Variants in EPS15L1 observed in about 807,000 individuals in gnomAD.
EPS15L1 encodes epidermal growth factor receptor substrate 15-like 1.
A neutral mutation model predicts 117.1 loss-of-function variants in EPS15L1; 43 were observed. That is an observed-to-expected ratio of 0.37 (90% CI 0.29 to 0.47). The LOEUF is 0.47. Ranked by LOEUF, EPS15L1 falls within the 20% of genes least tolerant of loss-of-function variation. EPS15L1 has a pLI of 0.99. For synonymous variants in EPS15L1, 459 were observed against 470.5 expected, an observed-to-expected ratio of 0.98 and a Z score of 0.32; for missense variants, 981 against 1,164.0, an observed-to-expected ratio of 0.84 and a Z score of 2.29.
At chr19:16,462,781 G>T (rs1226135472) in intron 1 of EPS15L1, among the ~76,000 whole-genome samples, 1 of 152,172 alleles carries the variant, frequency 6.6e-6, no homozygotes, top group Non-Finnish European at 1.5e-5. Context: ...CAAAGGGTGG[G>T]GGCAGGACAC....
At chr19:16,361,202 T>C (rs1056672207) in intron 23 of EPS15L1, among the ~76,000 whole-genome samples, 3 of 152,102 alleles carry the variant, frequency 2.0e-5, no homozygotes, top group Non-Finnish European at 4.4e-5. Context: ...TCAGAGTGGC[T>C]GTTCTAGACT....
intron 1 of EPS15L1, among the ~76,000 whole-genome samples, chr19:16,451,954 T>G (rs2093148114): frequency 6.7e-6 from 1 of 149,954 alleles, no homozygotes; most frequent in Admixed American, 6.6e-5. Context: ...CTGGCCAACA[T>G]GGTGAAACCC....
intron 22 of EPS15L1, among the ~76,000 whole-genome samples, chr19:16,363,188 C>T (rs537319186): frequency 3.2e-4 from 48 of 152,308 alleles, no homozygotes; most frequent in African/African-American, 1.1e-3. Context: ...ATCTGCCCAA[C>T]GGAGTCCCTG....
In EPS15L1 at chr19:16,418,641, C is replaced by A. The variant is rs181455784; in HGVS notation, c.951-537G>T. Among the ~76,000 whole-genome samples the A allele has an allele frequency of 2.6e-5, 4 of 152,286 alleles. No homozygotes were observed. The East Asian group carries it at 7.7e-4, about 29-fold the overall frequency. ...CTTGTTATGAACGGAACGTTTATGTCCCCCCAGATTCCTATGTCCAAATCC... is the reference window on the plus strand; with the variant it reads ...CTTGTTATGAACGGAACGTTTATGTACCCCCAGATTCCTATGTCCAAATCC... On this transcript the variant is annotated intron_variant, in intron 10 of 23. Coordinates refer to ENST00000455140, the MANE Select transcript of EPS15L1 (RefSeq NM_001258374.3).
At chr19:16,384,955 G>A (rs1185845946) in intron 21 of EPS15L1, among the ~76,000 whole-genome samples, 174 bp downstream of exon 21, 3 of 152,312 alleles carry the variant, frequency 2.0e-5, no homozygotes, top group Admixed American at 6.5e-5. Flanking sequence ...CTCACCCCAC[G>A]GGACTGCAGT....
chr19:16,463,082 A>G (rs1039428113), intron 1 of EPS15L1, among the ~76,000 whole-genome samples: 2 of 152,178 alleles, frequency 1.3e-5, no homozygotes, highest in Non-Finnish European at 2.9e-5. Context: ...GACAGCACAC[A>G]GTAGCTCAGC....
At chr19:16,428,784 G>T (rs771771403) in intron 7 of EPS15L1, 23 bp from the exon 8 acceptor site, 13 of 1,593,666 alleles carry the variant, frequency 8.2e-6, no homozygotes, top group Non-Finnish European at 4.3e-6. Flanking sequence ...GACCAGCATG[G>T]GTAACTGTGG....
At chr19:16,447,405 C>T (rs2093094581) in intron 1 of EPS15L1, among the ~76,000 whole-genome samples, 2 of 152,116 alleles carry the variant, frequency 1.3e-5, no homozygotes, top group African/African-American at 2.4e-5. Context: ...AAGAGAGAGG[C>T]AATTCAGAAA....
In EPS15L1 at chr19:16,369,695, G is replaced by GTGTGTT. The variant is rs548085101; in HGVS notation, c.2380+7426_2380+7427insAACACA. ...AAAAAAAGTGTGTGTGTGTGTGTGT[G>GTGTGTT]TGTGTGTGTGTGTAGGGTGGGGTAT... On this transcript the variant is annotated intron_variant, in intron 22 of 23. Coordinates refer to ENST00000455140, the MANE Select transcript of EPS15L1 (RefSeq NM_001258374.3). 3.8e-3 allele frequency among the ~76,000 whole-genome samples: 581 copies of GTGTGTT among 152,020 alleles called. 3 individuals are homozygous for GTGTGTT. Among genetic ancestry groups the GTGTGTT allele is most frequent in the African/African-American group, 0.014 (562 of 41,436 alleles).
At position 16,440,759 on chromosome 19, in the gene EPS15L1, A is replaced by G. The variant is rs765115151; in HGVS notation, c.213+103T>C. The G allele has an allele frequency of 1.2e-5, 12 of 1,006,094 alleles. No homozygotes were observed. The African/African-American group carries it at 1.8e-4, about 15-fold the overall frequency. 62.3% of individuals were successfully genotyped at this position (1,006,094 alleles called of 1,614,324 possible). A position where few individuals can be genotyped will look rare whatever the true frequency, so the allele number is the denominator to read the frequency against. ...AAGTTTGACAGCCGTGCTCATGCCT[A>G]GTAATACTTGACAGTGGAGGAATGT... On this transcript the variant is annotated intron_variant, in intron 4 of 23. Coordinates refer to ENST00000455140, the MANE Select transcript of EPS15L1 (RefSeq NM_001258374.3).
chr19:16,461,172 C>T (rs1418694988), intron 1 of EPS15L1, among the ~76,000 whole-genome samples: 1 of 151,896 alleles, frequency 6.6e-6, no homozygotes, highest in African/African-American at 2.4e-5. Context: ...GGCGTGGTGG[C>T]AGGCGCCTGT....
Position 16,471,930 on chromosome 19 carries a change from T to C in EPS15L1, c.16A>G (p.Ile6Val), listed in dbSNP as rs1284138313. The C allele has an allele frequency of 5.4e-6, 7 of 1,293,464 alleles. No individual in the cohort carries two copies. Among genetic ancestry groups the C allele is most frequent in the Middle Eastern group, 3.0e-4 (1 of 3,360 alleles). 80.1% of individuals were successfully genotyped at this position (1,293,464 alleles called of 1,614,324 possible). Residue 6 changes from isoleucine to valine, a missense_variant, in exon 1 of 24, where the codon ATC becomes GTC. This residue lies in a region of EPS15L1 where 37 missense variants were observed against 21.2 expected (regional missense o/e 1.75). Coordinates refer to ENST00000455140, the MANE Select transcript of EPS15L1 (RefSeq NM_001258374.3). The surrounding 1 kb of genome is among the most constrained non-coding windows in gnomAD (Gnocchi z 4.8). The stretch of plus-strand genomic sequence containing the variant: ...GCCCGTACCTGCTGGGAGAGGGGGA[T>C]GAGCGGCGCCGCCATCTTCCCGCGG... MAAPL[I>V]PLSQQIPTGN... is the part of the protein sequence containing the mutation.
chr19:16,446,536 G>A (rs1037515939), intron 1 of EPS15L1, among the ~76,000 whole-genome samples: 2 of 152,156 alleles, frequency 1.3e-5, no homozygotes, highest in African/African-American at 4.8e-5. Context: ...AACGCTAAAG[G>A]GCAGGTAATA....
intron 6 of EPS15L1, among the ~76,000 whole-genome samples, chr19:16,436,096 A>C (rs534091024): frequency 6.6e-6 from 1 of 152,340 alleles, no homozygotes; most frequent in East Asian, 1.9e-4. Context: ...CCTCAGTCAC[A>C]TGACATATCT....
intron 1 of EPS15L1, among the ~76,000 whole-genome samples, chr19:16,463,685 T>C (rs2093274402): frequency 6.6e-6 from 1 of 152,282 alleles, no homozygotes; most frequent in Middle Eastern, 3.4e-3. Flanking sequence ...CTTGTGGACC[T>C]AGTCTAGGTG....
At chr19:16,449,279 A>C (rs535769599) in intron 1 of EPS15L1, among the ~76,000 whole-genome samples, 20 of 150,962 alleles carry the variant, frequency 1.3e-4, no homozygotes, top group South Asian at 4.2e-4. Context: ...AACAAACAAA[A>C]AAACACGAAG....
Position 16,371,935 on chromosome 19 carries a change from C to T in EPS15L1, c.2380+5187G>A, listed in dbSNP as rs1220548708. On this transcript the variant is annotated intron_variant, in intron 22 of 23. Coordinates refer to ENST00000455140, the MANE Select transcript of EPS15L1 (RefSeq NM_001258374.3). The surrounding 1 kb of genome is among the most constrained non-coding windows in gnomAD (Gnocchi z 4.7). ...TAACCTAACTCTAACTGACAGGTTTCGGCAGCCTGCCGGGTCTGTGCTGCA... is the reference window on the plus strand; with the variant it reads ...TAACCTAACTCTAACTGACAGGTTTTGGCAGCCTGCCGGGTCTGTGCTGCA... Among the ~76,000 whole-genome samples the T allele has an allele frequency of 2.0e-5, 3 of 152,208 alleles. No individual in the cohort carries two copies. Among genetic ancestry groups the T allele is most frequent in the East Asian group, 1.9e-4 (1 of 5,202 alleles).
rs2092211876 is a variant in EPS15L1, at chr19:16,370,746, G to T, written c.2380+6376C>A. Among the ~76,000 whole-genome samples, 2 of 152,220 alleles carry T rather than the reference G, an allele frequency of 1.3e-5. No individual in the cohort carries two copies. The highest frequency in any genetic ancestry group is 2.9e-5 in the Non-Finnish European group (2 of 68,042). On this transcript the variant is annotated intron_variant, in intron 22 of 23. Transcript: ENST00000455140. This position sits in a 1 kb window ranked among gnomAD's most constrained non-coding sequence, Gnocchi z 5.2. Reference sequence around the variant, plus strand: ...ACAAGGCTGACATTCCTCCCTCTCAGAGTGGGACCGTTCCTTGGCACCGTC... The same window carrying T: ...ACAAGGCTGACATTCCTCCCTCTCATAGTGGGACCGTTCCTTGGCACCGTC...
intron 21 of EPS15L1, among the ~76,000 whole-genome samples, chr19:16,377,629 A>G (rs565631292): frequency 1.3e-5 from 2 of 152,040 alleles, no homozygotes; most frequent in African/African-American, 4.8e-5. Flanking sequence ...GACACGCCCC[A>G]CCCTCACCTG....
Sources: gnomAD v4.1 joint callset for allele counts (sites outside exome capture counted in the v4.1 genomes callset) on GRCh38, gnomAD v4.1.1 for gene constraint, gnomAD v4.1.1 regional missense constraint, Gnocchi (gnomAD v3.1) non-coding constraint, MANE v1.5 for transcripts, NCBI Gene and HGNC (gene_info 2026-07-23, HGNC 2026-07-21) for gene names.